The following HEATR5A variants were observed in gnomAD, a reference collection of about 807,000 sequenced individuals.
The protein encoded by HEATR5A is HEAT repeat-containing protein 5A.
In HEATR5A, 178 loss-of-function variants were observed where a neutral mutation model predicts 218.8. The ratio of observed to expected loss-of-function variants is 0.81; its 90% CI spans 0.72 to 0.92. HEATR5A has a LOEUF of 0.92. HEATR5A is among the 40% of genes least tolerant of loss of function. The pLI is 0.00. For synonymous variants in HEATR5A, 864 were observed against 871.6 expected (o/e 0.99, Z 0.15); for missense variants, 2,420 against 2,418.9 (o/e 1.00, Z -0.01).
chr14:31,390,140 G>T (rs76484497), intron 6 of HEATR5A, among the ~76,000 whole-genome samples: 4,850 of 152,210 alleles, frequency 0.032, 202 homozygotes, highest in African/African-American at 0.1. Context: ...GGCCTTTATA[G>T]GATGCCAGGT....
chr14:31,302,740 TTGTG>T (rs537175364), intron 32 of HEATR5A: 223 of 500,220 alleles, frequency 4.5e-4, no homozygotes, highest in Non-Finnish European at 6.1e-4. Context: ...TTTAAATAAA[TTGTG>T]TGAGTATCAT....
chr14:31,293,378 T>A lies in HEATR5A; in HGVS notation c.6068A>T (p.Lys2023Met). The change falls in exon 36 of 36, where the codon AAG becomes ATG. Residue 2023 changes from lysine to methionine, a missense_variant. By Grantham distance (95) the Lys-to-Met change is moderately conservative (BLOSUM62 -1). Coordinates refer to ENST00000543095, the MANE Select transcript of HEATR5A (RefSeq NM_015473.4). ...IKGNQESVKV[K>M]IPTSKYTKSP... ...CTTAGTATATTTAGATGTTGGTATCTTGACTTTGACACTTTCCTGATTGCC... is the reference window on the plus strand; with the variant it reads ...CTTAGTATATTTAGATGTTGGTATCATGACTTTGACACTTTCCTGATTGCC... 1 of 1,613,948 alleles carries A rather than the reference T, an allele frequency of 6.2e-7. No individual in the cohort carries two copies. The highest frequency in any genetic ancestry group is 8.5e-7 in the Non-Finnish European group (1 of 1,179,836).
chr14:31,330,302 C>T (rs1300107711), intron 22 of HEATR5A, among the ~76,000 whole-genome samples: 1 of 152,196 alleles, frequency 6.6e-6, no homozygotes, highest in Non-Finnish European at 1.5e-5. Context: ...ATGGCCTGAG[C>T]TGTACCTTGG....
chr14:31,299,334 T>C (rs1240933249), intron 33 of HEATR5A, among the ~76,000 whole-genome samples: 1 of 152,244 alleles, frequency 6.6e-6, no homozygotes, highest in Non-Finnish European at 1.5e-5. Flanking sequence ...ACTATTATTA[T>C]CTTATCTCCC....
At position 31,371,888 on chromosome 14, in the gene HEATR5A, T is replaced by G. The variant is rs1007610274; in HGVS notation, c.1883A>C (p.His628Pro). 6.5e-7 allele frequency: 1 copy of G among 1,542,544 alleles called. No homozygotes were observed. The highest frequency in any genetic ancestry group is 8.8e-7 in the Non-Finnish European group (1 of 1,140,532). The change falls in exon 13 of 36, where the codon CAC becomes CCC. Residue 628 changes from histidine (H) to proline (P), a missense_variant. His to Pro is a moderately conservative substitution (Grantham distance 77). Coordinates refer to ENST00000543095, the MANE Select transcript of HEATR5A (RefSeq NM_015473.4). ...TTCCTCAGTAAGAAGATCACCACAG[T>G]GGGAAACAAAGCTCTTGATAGCTGA... ...ALCAIKSFVS[H>P]CGDLLTEEVT...
intron 23 of HEATR5A, among the ~76,000 whole-genome samples, chr14:31,324,781 A>T (rs1193416576): frequency 6.6e-6 from 1 of 151,952 alleles, no homozygotes; most frequent in Non-Finnish European, 1.5e-5. Flanking sequence ...TTTCTTTTAA[A>T]GAAGTCCTTG....
intron 13 of HEATR5A, among the ~76,000 whole-genome samples, chr14:31,369,477 G>C (rs1261159163): frequency 6.6e-6 from 1 of 152,040 alleles, no homozygotes; most frequent in Non-Finnish European, 1.5e-5. Flanking sequence ...GCCAGGCATA[G>C]TGGTGCATGC....
intron 14 of HEATR5A, among the ~76,000 whole-genome samples, chr14:31,362,341 T>C (rs1241782244): frequency 6.6e-6 from 1 of 151,960 alleles, no homozygotes; most frequent in African/African-American, 2.4e-5. Flanking sequence ...GGAACTGATT[T>C]GAAATATATC....
intron 22 of HEATR5A, among the ~76,000 whole-genome samples, chr14:31,328,429 T>C (rs529131531): frequency 1.5e-4 from 23 of 152,286 alleles, no homozygotes; most frequent in Admixed American, 1.2e-3. Flanking sequence ...AGAGGAATCA[T>C]AAAGGACATT....
In HEATR5A at chr14:31,358,958, T is replaced by G; in HGVS notation, c.2171A>C (p.Gln724Pro). The stretch of plus-strand genomic sequence containing the variant: ...AGGACTTAGTATCAAAAGATCATCC[T>G]GATGACAGAGGGGTGGAAGTAAAAA... ...STFLLPPLCH[Q>P]DDLLILSPFL... The change falls in exon 15 of 36, where the codon CAG becomes CCG. Residue 724 changes from glutamine (Q) to proline (P), a missense_variant. By Grantham distance (76) the Gln-to-Pro change is moderately conservative. Transcript: ENST00000543095. The G allele has an allele frequency of 6.3e-7, 1 of 1,590,922 alleles. No homozygotes were observed. The highest frequency in any genetic ancestry group is 8.5e-7 in the Non-Finnish European group (1 of 1,174,662).
intron 12 of HEATR5A, 126 bp downstream of exon 12, chr14:31,374,690 C>CAA: frequency 1.2e-6 from 1 of 823,160 alleles, no homozygotes; most frequent in Non-Finnish European, 1.8e-6. Flanking sequence ...TGTTCAGTTA[C>CAA]AAAAAAAAAT....
At chr14:31,378,787 C>CA (rs201308428) in intron 11 of HEATR5A, among the ~76,000 whole-genome samples, 277 of 25,912 alleles carry the variant, frequency 0.011, 7 homozygotes, top group South Asian at 0.031. Flanking sequence ...GACTCCACCT[C>CA]AAAAAAAAAC....
chr14:31,355,621 C>G (rs1405302974), intron 16 of HEATR5A, among the ~76,000 whole-genome samples: 2 of 151,966 alleles, frequency 1.3e-5, no homozygotes, highest in Non-Finnish European at 2.9e-5. Flanking sequence ...GTAATCCCAG[C>G]TACTTGGGAG....
Position 31,374,985 on chromosome 14 carries a change from T to A in HEATR5A, c.1709-17A>T. ...CTGCAGGACCTGTAATTTATTCAACTTGTCACTTGTAAGAGAATCCAAGGT... is the reference window on the plus strand; with the variant it reads ...CTGCAGGACCTGTAATTTATTCAACATGTCACTTGTAAGAGAATCCAAGGT... On this transcript the variant is annotated splice_polypyrimidine_tract_variant and intron_variant, in intron 11 of 35. Coordinates refer to ENST00000543095, the MANE Select transcript of HEATR5A (RefSeq NM_015473.4). The A allele has an allele frequency of 6.3e-7, 1 of 1,583,298 alleles. No homozygotes were observed. The highest frequency in any genetic ancestry group is 1.2e-5 in the South Asian group (1 of 86,290).
chr14:31,315,391 C>T (rs573410554), intron 27 of HEATR5A, among the ~76,000 whole-genome samples: 7 of 152,204 alleles, frequency 4.6e-5, no homozygotes, highest in South Asian at 2.1e-4. Context: ...AATAAAATAA[C>T]GACTACTTAC....
At chr14:31,337,440 A>C in intron 22 of HEATR5A, 36 bp downstream of exon 22, 1 of 1,512,758 alleles carries the variant, frequency 6.6e-7, no homozygotes, top group Non-Finnish European at 8.9e-7. Context: ...AAAAATAATC[A>C]TTTGAGCTGG....
At chr14:31,348,657 G>A (rs2139213813) in intron 18 of HEATR5A, among the ~76,000 whole-genome samples, 1 of 152,288 alleles carries the variant, frequency 6.6e-6, no homozygotes, top group East Asian at 1.9e-4. Flanking sequence ...GCTCATTTAA[G>A]TGGTTTATAT....
At chr14:31,383,395 A>G (rs2030075917) in intron 10 of HEATR5A, 126 bp downstream of exon 10, 3 of 833,388 alleles carry the variant, frequency 3.6e-6, no homozygotes, top group Non-Finnish European at 5.6e-6. Context: ...AAAATTGTAA[A>G]TGTACTTATA....
At chr14:31,403,723 G>C (rs569378365) in intron 1 of HEATR5A, among the ~76,000 whole-genome samples, 4 of 152,278 alleles carry the variant, frequency 2.6e-5, no homozygotes, top group Non-Finnish European at 5.9e-5. Flanking sequence ...ATCCAATGCA[G>C]CCTTAATTTT....
Sources: allele counts gnomAD v4.1 joint callset (sites outside exome capture counted in the v4.1 genomes callset), GRCh38; gene constraint gnomAD v4.1.1; transcripts MANE v1.5; gene names NCBI Gene and HGNC (gene_info 2026-07-23, HGNC 2026-07-21).